SSH1: variants seen among roughly 807,000 people sequenced by gnomAD.
The protein encoded by SSH1 is protein phosphatase Slingshot homolog 1.
In SSH1, 43 loss-of-function variants were observed where a neutral mutation model predicts 79.7. That is an observed-to-expected ratio of 0.54 (90% CI 0.42 to 0.70). The LOEUF is 0.70. Ranked by LOEUF, SSH1 falls within the 30% of genes least tolerant of loss-of-function variation. The pLI, the probability that SSH1 is intolerant of heterozygous loss-of-function variation, is 0.00. For missense variants in SSH1, 1,206 were observed against 1,358.8 expected, an observed-to-expected ratio of 0.89 and a Z score of 1.77; for synonymous variants, 599 against 538.3, an observed-to-expected ratio of 1.11 and a Z score of -1.56.
intron 2 of SSH1, among the ~76,000 whole-genome samples, chr12:108,846,807 CT>C: frequency 6.6e-6 from 1 of 152,200 alleles, no homozygotes. Context: ...CCCTTTAATT[CT>C]CCTCTGCCGT....
chr12:108,792,413 T>C lies in SSH1; in HGVS notation c.1766A>G (p.Glu589Gly), dbSNP rs1485817976. Residue 589 changes from glutamate (E) to glycine (G), a missense_variant, in exon 14 of 15, where the codon GAG becomes GGG. Physicochemically the swap from Glu to Gly is moderately conservative, Grantham distance 98. This residue lies in a region of SSH1 where 709 missense variants were observed against 730.6 expected (regional missense o/e 0.97). Transcript: ENST00000326495. ...GRSGSLLQVE[E>G]TEREEGLGAG... is the part of the protein sequence containing the mutation. ...TCCCAGGCCCTCCTCCCTTTCCGTC[T>C]CCTCCACCTGCAGCAAGGAGCCGCT... 1 of 1,614,128 alleles carries C rather than the reference T, an allele frequency of 6.2e-7. No individual in the cohort carries two copies. Among genetic ancestry groups the C allele is most frequent in the Non-Finnish European group, 8.5e-7 (1 of 1,180,014 alleles).
At chr12:108,798,933 T>C in intron 13 of SSH1, 67 bp downstream of exon 13, 1 of 1,574,818 alleles carries the variant, frequency 6.3e-7, no homozygotes, top group Non-Finnish European at 8.7e-7. Context: ...GACAGAGGCC[T>C]GGCTGGCTTG....
At position 108,792,478 on chromosome 12, in the gene SSH1, A is replaced by T; in HGVS notation, c.1701T>A (p.Asp567Glu). 1 of 1,614,092 alleles carries T rather than the reference A, an allele frequency of 6.2e-7. No homozygotes were observed. The highest frequency in any genetic ancestry group is 8.5e-7 in the Non-Finnish European group (1 of 1,180,010). Residue 567 changes from aspartate (D) to glutamate (E), a missense_variant, in exon 14 of 15, where the codon GAT (aspartate) becomes GAA (glutamate). Asp to Glu is a conservative substitution (Grantham distance 45). Around this residue, in one of 5 missense-constraint regions of SSH1, gnomAD observed 709 missense variants for 730.6 expected, o/e 0.97. Transcript: ENST00000326495. ...PQQGSGLCEK[D>E]VKKKLEFGSP... The stretch of plus-strand genomic sequence containing the variant: ...TCCCAAACTCTAGTTTCTTCTTCAC[A>T]TCCTTCTCACAGAGTCCGGAACCTT...
intron 14 of SSH1, among the ~76,000 whole-genome samples, chr12:108,789,633 A>G (rs2036418392): frequency 6.6e-6 from 1 of 152,034 alleles, no homozygotes; most frequent in Non-Finnish European, 1.5e-5. Context: ...GTCCCAGGGG[A>G]GAGAGGGACA....
Position 108,800,952 on chromosome 12 carries a change from A to C in SSH1, c.1002-26T>G, listed in dbSNP as rs776239686. The C allele has an allele frequency of 1.4e-5, 22 of 1,605,958 alleles. No individual in the cohort carries two copies. The East Asian group carries it at 4.9e-4, about 36-fold the overall frequency. ...CTGCAATGAGAAAAAAATAAGAAAC[A>C]AATTTGGACAATCTGAATGAGAAAG... On this transcript the variant is annotated intron_variant, in intron 11 of 14. Coordinates refer to ENST00000326495, the MANE Select transcript of SSH1 (RefSeq NM_018984.4).
chr12:108,797,062 C>T (rs948856125), intron 13 of SSH1, among the ~76,000 whole-genome samples: 4 of 152,184 alleles, frequency 2.6e-5, no homozygotes, highest in Admixed American at 2.0e-4. Context: ...TGAAGAACCA[C>T]CATACTGTTT....
Position 108,827,140 on chromosome 12 carries a change from G to A in SSH1, c.111-3779C>T, listed in dbSNP as rs1479109009. 13 of 887,670 alleles carry A rather than the reference G, an allele frequency of 1.5e-5. No individual in the cohort carries two copies. The East Asian group carries it at 2.2e-4, about 15-fold the overall frequency. The allele number at this position is 887,670 out of a possible 1,614,324, so 55.0% of individuals were successfully genotyped here. On this transcript the variant is annotated intron_variant, in intron 2 of 14. Coordinates refer to ENST00000326495, the MANE Select transcript of SSH1 (RefSeq NM_018984.4). ...ATTAAAGTTTCTCCAAAGCATTGAAGACAGACAAAAAACCTCAATCAATGC... is the reference window on the plus strand; with the variant it reads ...ATTAAAGTTTCTCCAAAGCATTGAAAACAGACAAAAAACCTCAATCAATGC...
At chr12:108,793,711 AAAATGTAAGGCAT>A (rs2036614891) in intron 13 of SSH1, among the ~76,000 whole-genome samples, 1 of 152,162 alleles carries the variant, frequency 6.6e-6, no homozygotes, top group African/African-American at 2.4e-5. Context: ...ATACATTTTT[AAAATGTAAGGCAT>A]AAAAAAAAAG....
At chr12:108,825,735 T>C (rs552717106) in intron 2 of SSH1, among the ~76,000 whole-genome samples, 2 of 152,292 alleles carry the variant, frequency 1.3e-5, no homozygotes, top group South Asian at 4.1e-4. Context: ...GGATTATAAA[T>C]AACGAAAGAA....
In SSH1 at chr12:108,780,002, C is replaced by CA. The variant is rs1364411988; in HGVS notation, c.*7985dup. On this transcript the variant is annotated 3_prime_UTR_variant, in exon 15 of 15. Coordinates refer to ENST00000326495, the MANE Select transcript of SSH1 (RefSeq NM_018984.4). ...CTCACCTCTTTTGAGATATGCATCA[C>CA]AGACCACAATGCCCAGTTTGGAGAA... 6.6e-6 allele frequency: 1 copy of CA among 152,192 alleles called. No homozygotes were observed. Among genetic ancestry groups the CA allele is most frequent in the African/African-American group, 2.4e-5 (1 of 41,424 alleles). The allele number at this position is 152,192 out of a possible 1,614,324, so 9.4% of individuals were successfully genotyped here.
chr12:108,792,469 C>A lies in SSH1; in HGVS notation c.1710G>T (p.Lys570Asn), dbSNP rs754192788. ...CTTTGGGACTCCCAAACTCTAGTTT[C>A]TTCTTCACATCCTTCTCACAGAGTC... is the stretch of plus-strand genomic sequence containing the variant. ...GSGLCEKDVK[K>N]KLEFGSPKGR... The change falls in exon 14 of 15, where the codon AAG becomes AAT. Residue 570 changes from lysine to asparagine, a missense_variant. Lys to Asn is a moderately conservative substitution (Grantham distance 94). Coordinates refer to ENST00000326495, the MANE Select transcript of SSH1 (RefSeq NM_018984.4). 2.5e-6 allele frequency: 4 copies of A among 1,614,124 alleles called. No individual in the cohort carries two copies. The highest frequency in any genetic ancestry group is 3.4e-6 in the Non-Finnish European group (4 of 1,180,054).
At chr12:108,792,180 T>G (rs1393813069) in intron 14 of SSH1, 106 bp downstream of exon 14, 1 of 1,571,326 alleles carries the variant, frequency 6.4e-7, no homozygotes, top group Non-Finnish European at 8.7e-7. Context: ...ATCAGCTGGG[T>G]GTGGTGGCGG....
intron 1 of SSH1, among the ~76,000 whole-genome samples, chr12:108,854,939 C>T (rs1038292625): frequency 2.0e-5 from 3 of 152,170 alleles, no homozygotes; most frequent in Non-Finnish European, 2.9e-5. Context: ...GCCTTGCCTT[C>T]GGGAAACATC....
At chr12:108,834,999 A>G (rs1162217336) in intron 2 of SSH1, among the ~76,000 whole-genome samples, 3 of 152,160 alleles carry the variant, frequency 2.0e-5, no homozygotes, top group Non-Finnish European at 4.4e-5. Flanking sequence ...GCATCATGCC[A>G]CGTGCGAGTT....
At chr12:108,854,668 A>G (rs1328925725) in intron 1 of SSH1, among the ~76,000 whole-genome samples, 1 of 152,160 alleles carries the variant, frequency 6.6e-6, no homozygotes, top group Non-Finnish European at 1.5e-5. Context: ...CGGACTTCAC[A>G]ATCATTTAAC....
chr12:108,802,509 C>T (rs1167147259), intron 10 of SSH1, 141 bp from the exon 11 acceptor site: 7 of 725,092 alleles, frequency 9.7e-6, no homozygotes, highest in Admixed American at 6.1e-5. Flanking sequence ...AGAGAACCAG[C>T]GGCTGATATT....
rs2037322458 is a variant in SSH1 at position 108,807,217 on chromosome 12, G to C, written c.731+416C>G. On this transcript the variant is annotated intron_variant, in intron 8 of 14. Coordinates refer to ENST00000326495, the MANE Select transcript of SSH1 (RefSeq NM_018984.4). The surrounding 1 kb of genome is among the most constrained non-coding windows in gnomAD (Gnocchi z 5.2). The stretch of plus-strand genomic sequence containing the variant: ...CACCAGTTGTGTTTTTGGATCCAAG[G>C]AAGCAGAGGACACATTCCTAACTCT... 6.6e-6 allele frequency among the ~76,000 whole-genome samples: 1 copy of C among 152,158 alleles called. No homozygotes were observed. The highest frequency in any genetic ancestry group is 2.1e-4 in the South Asian group (1 of 4,836).
chr12:108,843,627 C>T (rs1048918631), intron 2 of SSH1, among the ~76,000 whole-genome samples: 8 of 152,236 alleles, frequency 5.3e-5, no homozygotes, highest in East Asian at 3.9e-4. Flanking sequence ...CTCCACCTCC[C>T]GGGTTCCAGT....
At chr12:108,811,971 G>A (rs1045064935) in intron 5 of SSH1, among the ~76,000 whole-genome samples, 12 of 152,278 alleles carry the variant, frequency 7.9e-5, no homozygotes, top group Admixed American at 1.3e-4. Flanking sequence ...CAGCTCTGTG[G>A]ACCTCAGGAA....
Sources: gnomAD v4.1 joint callset for allele counts (sites outside exome capture counted in the v4.1 genomes callset) on GRCh38, gnomAD v4.1.1 for gene constraint, gnomAD v4.1.1 regional missense constraint, Gnocchi (gnomAD v3.1) non-coding constraint, MANE v1.5 for transcripts, NCBI Gene and HGNC (gene_info 2026-07-23, HGNC 2026-07-21) for gene names.